The following SDK1 variants were observed in gnomAD, a reference collection of about 807,000 sequenced individuals.
SDK1 encodes sidekick cell adhesion molecule 1, also known as protein sidekick-1.
SDK1 carries 157 observed loss-of-function variants against 245.5 expected under a neutral mutation model. That is an observed-to-expected ratio of 0.64 (90% confidence interval 0.56 to 0.73). The LOEUF (loss-of-function observed/expected upper bound fraction) is 0.73, where lower values mean the gene tolerates loss of function less well. Ranked by LOEUF, SDK1 falls within the 30% of genes least tolerant of loss-of-function variation. The pLI is 0.00. For missense variants in SDK1, 3,583 were observed against 3,002.3 expected (o/e 1.19, Z -4.52); for synonymous variants, 1,647 against 1,278.5 (o/e 1.29, Z -6.15).
chr7:3,806,051 T>C (rs1779234971), intron 4 of SDK1, among the ~76,000 whole-genome samples: 1 of 152,140 alleles, frequency 6.6e-6, no homozygotes, highest in African/African-American at 2.4e-5. Context: ...TGCCCTGAGG[T>C]CAAAGACAAG....
intron 1 of SDK1, among the ~76,000 whole-genome samples, chr7:3,575,064 A>G (rs1780241658): frequency 6.6e-6 from 1 of 152,016 alleles, no homozygotes; most frequent in Admixed American, 6.6e-5. Flanking sequence ...TGCCTCTTAC[A>G]AGACAGATTC....
chr7:3,333,688 C>A (rs183820444), intron 1 of SDK1, among the ~76,000 whole-genome samples: 10 of 152,288 alleles, frequency 6.6e-5, no homozygotes, highest in African/African-American at 2.2e-4. Context: ...CTCAGCACTT[C>A]TGGATAAATT....
chr7:3,814,639 A>G (rs1170390455), intron 4 of SDK1, among the ~76,000 whole-genome samples: 1 of 151,994 alleles, frequency 6.6e-6, no homozygotes, highest in African/African-American at 2.4e-5. Context: ...GTTTTTTCCA[A>G]TTCTGTGAAG....
intron 4 of SDK1, among the ~76,000 whole-genome samples, chr7:3,762,015 A>T (rs1016756725): frequency 1.3e-5 from 2 of 152,242 alleles, no homozygotes; most frequent in African/African-American, 2.4e-5. Context: ...ACAAACTATC[A>T]GCAGATGACT....
At chr7:3,367,512 A>G (rs1442237955) in intron 1 of SDK1, among the ~76,000 whole-genome samples, 1 of 152,184 alleles carries the variant, frequency 6.6e-6, no homozygotes. Flanking sequence ...CATTTCATCT[A>G]TCCCATACTT....
rs574401969 is a variant in SDK1, at chr7:3,851,758, C to A, written c.847+30175C>A. ...GAAATGAGGTTGAACCCAGAAGAAACGGCCTTTGGAAAAGAATTGGACATT... is the reference window on the plus strand; with the variant it reads ...GAAATGAGGTTGAACCCAGAAGAAAAGGCCTTTGGAAAAGAATTGGACATT... On this transcript the variant is annotated intron_variant, in intron 5 of 44. Transcript: ENST00000404826. 2.6e-5 allele frequency among the ~76,000 whole-genome samples: 4 copies of A among 152,200 alleles called. 1 individual carries two copies. The highest frequency in any genetic ancestry group is 9.6e-5 in the African/African-American group (4 of 41,500).
At chr7:3,820,369 C>T (rs1449027680) in intron 4 of SDK1, among the ~76,000 whole-genome samples, 1 of 152,102 alleles carries the variant, frequency 6.6e-6, no homozygotes, top group Non-Finnish European at 1.5e-5. Flanking sequence ...AGGATGGTCT[C>T]GATCTCTTGA....
At chr7:3,652,907 T>G (rs1443369024) in intron 4 of SDK1, among the ~76,000 whole-genome samples, 2 of 152,180 alleles carry the variant, frequency 1.3e-5, no homozygotes, top group Non-Finnish European at 2.9e-5. Flanking sequence ...GTGAAGGATG[T>G]TCCAGTAGGA....
At chr7:3,631,429 C>G (rs1311350264) in intron 2 of SDK1, among the ~76,000 whole-genome samples, 2 of 152,318 alleles carry the variant, frequency 1.3e-5, no homozygotes, top group East Asian at 1.9e-4. Flanking sequence ...TGATGTTCAG[C>G]TTTCATTTTC....
intron 19 of SDK1, among the ~76,000 whole-genome samples, chr7:4,061,368 A>G (rs1205818771): frequency 6.6e-6 from 1 of 152,184 alleles, no homozygotes; most frequent in Admixed American, 6.5e-5. Flanking sequence ...GTCCCTTGAA[A>G]ACACATGAAA....
At chr7:3,465,699 A>G (rs1445917651) in intron 1 of SDK1, among the ~76,000 whole-genome samples, 1 of 152,140 alleles carries the variant, frequency 6.6e-6, no homozygotes, top group East Asian at 1.9e-4. Context: ...TCCGTATATG[A>G]TCATTCAGGC....
intron 4 of SDK1, among the ~76,000 whole-genome samples, chr7:3,789,224 C>A (rs548984977): frequency 1.3e-5 from 2 of 152,122 alleles, no homozygotes; most frequent in East Asian, 3.9e-4. Context: ...CTCAGCTCAC[C>A]GCAACCTCCA....
At position 3,527,852 on chromosome 7, in the gene SDK1, G is replaced by A. The variant is rs183419982; in HGVS notation, c.299-91228G>A. 4.6e-5 allele frequency among the ~76,000 whole-genome samples: 7 copies of A among 151,706 alleles called. No homozygotes were observed. The East Asian group carries it at 1.4e-3, about 30-fold the overall frequency. ...ATAGTCAGCTAGGGGGTGAGTGGTG[G>A]GAGGTGAGGCTGGATGATAGTCAGC... On this transcript the variant is annotated intron_variant, in intron 1 of 44. Transcript: ENST00000404826.
chr7:4,245,763 C>T lies in SDK1; in HGVS notation c.6339C>T (p.Ser2113=), dbSNP rs530887928. 1.7e-5 allele frequency: 27 copies of T among 1,613,832 alleles called. No individual in the cohort carries two copies. The highest frequency in any genetic ancestry group is 5.0e-5 in the Admixed American group (3 of 59,994). The change falls in exon 44 of 45, where the codon AGC becomes AGT. Residue 2113 remains serine (S), a synonymous_variant. Transcript: ENST00000404826. ...ACAACGGCGCCGTGCTGACCGAGAG[C>T]GTGAGCCTCAAGGAGAAGTCGGCAG... The part of the protein sequence containing the change: ...NKYNGAVLTE[S]VSLKEKSADA...
At chr7:3,957,997 T>C in intron 7 of SDK1, 1 of 470,950 alleles carries the variant, frequency 2.1e-6, no homozygotes, top group Non-Finnish European at 4.4e-6. Context: ...CTTAATCGTT[T>C]CTTTGAAATG....
At chr7:3,887,020 G>T (rs1459316307) in intron 5 of SDK1, among the ~76,000 whole-genome samples, 5 of 152,056 alleles carry the variant, frequency 3.3e-5, no homozygotes, top group Admixed American at 6.5e-5. Context: ...TATTTTTTTT[G>T]AATGATATAT....
At chr7:4,098,948 C>T (rs1398744573) in intron 22 of SDK1, among the ~76,000 whole-genome samples, 1 of 146,322 alleles carries the variant, frequency 6.8e-6, no homozygotes, top group African/African-American at 2.5e-5. Context: ...GCTGGGATTA[C>T]AGGTGTGAGC....
At position 3,716,437 on chromosome 7, in the gene SDK1, T is replaced by A. The variant is rs77313016; in HGVS notation, c.713+74332T>A. On this transcript the variant is annotated intron_variant, in intron 4 of 44. Coordinates refer to ENST00000404826, the MANE Select transcript of SDK1 (RefSeq NM_152744.4). ...AATCTGTCAACCATGAATTCTGTATTTGGCAAAAATATCATTCAAGTATGA... is the reference window on the plus strand; with the variant it reads ...AATCTGTCAACCATGAATTCTGTATATGGCAAAAATATCATTCAAGTATGA... Among the ~76,000 whole-genome samples the A allele has an allele frequency of 2.0e-3, 305 of 152,252 alleles. 1 individual carries two copies. The highest frequency in any genetic ancestry group is 3.2e-3 in the Non-Finnish European group (221 of 68,016).
rs560541130 is a variant in SDK1, at chr7:3,485,723, C to T, written c.299-133357C>T. 4.1e-3 allele frequency among the ~76,000 whole-genome samples: 293 copies of T among 70,632 alleles called. 3 individuals are homozygous for T. Among genetic ancestry groups the T allele is most frequent in the African/African-American group, 0.014 (288 of 20,220 alleles). 46.3% of individuals were successfully genotyped at this position (70,632 alleles called of 152,430 possible). On this transcript the variant is annotated intron_variant, in intron 1 of 44. Transcript: ENST00000404826. ...TTTTTTTTGAGCCATCTTGCTCCACCTTTCTCTCTGGTAATTTTTAAACTT... is the reference window on the plus strand; with the variant it reads ...TTTTTTTTGAGCCATCTTGCTCCACTTTTCTCTCTGGTAATTTTTAAACTT...
Sources: gnomAD v4.1 joint callset for allele counts (sites outside exome capture counted in the v4.1 genomes callset) on GRCh38, gnomAD v4.1.1 for gene constraint, MANE v1.5 for transcripts, NCBI Gene and HGNC (gene_info 2026-07-23, HGNC 2026-07-21) for gene names.